The following PRUNE2 variants were observed in gnomAD, a reference collection of about 807,000 sequenced individuals.
The protein encoded by PRUNE2 is protein prune homolog 2.
In PRUNE2, 164 loss-of-function variants were observed where a neutral mutation model predicts 252.0. That is an observed-to-expected ratio of 0.65 (90% CI 0.57 to 0.74). The LOEUF is 0.74. PRUNE2 is among the 30% of genes least tolerant of loss of function. The probability of loss-of-function intolerance (pLI) is 0.00; values close to 1 mark genes in which losing one functional copy is unlikely to be tolerated. For synonymous variants in PRUNE2, 1,292 were observed against 1,350.2 expected (o/e 0.96, Z 0.94); for missense variants, 3,495 against 3,711.0 (o/e 0.94, Z 1.51).
chr9:76,674,655 T>C (rs1440783882), intron 9 of PRUNE2, among the ~76,000 whole-genome samples: 4 of 148,978 alleles, frequency 2.7e-5, no homozygotes, highest in Admixed American at 6.8e-5. Flanking sequence ...ACTACCTGAC[T>C]TCAAACTATA....
At position 76,703,144 on chromosome 9, in the gene PRUNE2, G is replaced by A. The variant is rs866835992; in HGVS notation, c.8276+193C>T. 2.0e-5 allele frequency among the ~76,000 whole-genome samples: 3 copies of A among 151,626 alleles called. No homozygotes were observed. The East Asian group carries it at 5.8e-4, about 29-fold the overall frequency. ...TGAAAATTGAAGGGGCTTTTTGGCT[G>A]AAAATGTACATAAATTATCATTATG... On this transcript the variant is annotated intron_variant, in intron 9 of 18. Coordinates refer to ENST00000376718, the MANE Select transcript of PRUNE2 (RefSeq NM_015225.3).
intron 6 of PRUNE2, among the ~76,000 whole-genome samples, chr9:76,768,393 A>G (rs943356760): frequency 6.6e-6 from 1 of 152,008 alleles, no homozygotes; most frequent in Admixed American, 6.6e-5. Flanking sequence ...GGGGTTCACC[A>G]TGTTGGCCAA....
At chr9:76,724,608 CACAG>C (rs903071255) in intron 6 of PRUNE2, among the ~76,000 whole-genome samples, 13 of 152,294 alleles carry the variant, frequency 8.5e-5, no homozygotes, top group Admixed American at 5.2e-4. Context: ...ACTGTTGTTA[CACAG>C]ACAGAGAGTT....
At chr9:76,865,396 G>A (rs2060778816) in intron 1 of PRUNE2, among the ~76,000 whole-genome samples, 1 of 152,138 alleles carries the variant, frequency 6.6e-6, no homozygotes, top group Admixed American at 6.5e-5. Flanking sequence ...GTAATACACA[G>A]TAGAATTCAG....
chr9:76,671,594 A>G (rs2041486649), intron 9 of PRUNE2, among the ~76,000 whole-genome samples: 1 of 152,198 alleles, frequency 6.6e-6, no homozygotes, highest in African/African-American at 2.4e-5. Context: ...TCCAAGACAC[A>G]TAATTGTCAG....
intron 6 of PRUNE2, chr9:76,738,908 C>T (rs2049316180): frequency 6.6e-6 from 1 of 152,184 alleles, no homozygotes; most frequent in Non-Finnish European, 1.5e-5. Flanking sequence ...GGGATGAAGT[C>T]AAAGGTAGCA....
rs200964646 is a variant in PRUNE2 at position 76,646,157 on chromosome 9, C to T, written c.8558-1248G>A. Among the ~76,000 whole-genome samples the T allele has an allele frequency of 8.5e-5, 13 of 152,218 alleles. No homozygotes were observed. The East Asian group carries it at 2.3e-3, about 27-fold the overall frequency. ...GAGTCCCCTGGGCTAAGAAACTGTG[C>T]CTTGAATAACCTTTAATATTCACTT... On this transcript the variant is annotated intron_variant, in intron 11 of 18. Coordinates refer to ENST00000376718, the MANE Select transcript of PRUNE2 (RefSeq NM_015225.3).
chr9:76,725,999 G>A (rs1163593522), intron 6 of PRUNE2, among the ~76,000 whole-genome samples: 1 of 152,190 alleles, frequency 6.6e-6, no homozygotes, highest in Non-Finnish European at 1.5e-5. Flanking sequence ...TGGGAGAAGG[G>A]CAGGGGTTGC....
chr9:76,857,001 G>A (rs144135937), intron 1 of PRUNE2: 49 of 451,136 alleles, frequency 1.1e-4, no homozygotes, highest in Middle Eastern at 3.3e-4. Flanking sequence ...TAATCCACCC[G>A]CCTTTGCCTC....
In PRUNE2 at chr9:76,850,669, C is replaced by A. The variant is rs375622237; in HGVS notation, c.142-4G>T. The A allele has an allele frequency of 8.7e-5, 140 of 1,606,940 alleles. No homozygotes were observed. The African/African-American group carries it at 1.6e-3, about 18-fold the overall frequency. On this transcript the variant is annotated splice_polypyrimidine_tract_variant and splice_region_variant and intron_variant, in intron 2 of 18. Coordinates refer to ENST00000376718, the MANE Select transcript of PRUNE2 (RefSeq NM_015225.3). ...ACAGAACCCCTGGTGGACTGACCTA[C>A]CAAGAAAAAAGTTGACTGAATTACT...
At chr9:76,634,818 A>C (rs1839281226) in intron 15 of PRUNE2, among the ~76,000 whole-genome samples, 1 of 152,244 alleles carries the variant, frequency 6.6e-6, no homozygotes, top group Non-Finnish European at 1.5e-5. Context: ...TATTAAGCAA[A>C]CATCGATGAA....
intron 9 of PRUNE2, among the ~76,000 whole-genome samples, chr9:76,701,128 G>T (rs112629000): frequency 0.012 from 1,869 of 152,308 alleles, 36 homozygotes; most frequent in African/African-American, 0.043. Flanking sequence ...CACCCCCAGA[G>T]TTCCTGATTC....
chr9:76,872,385 A>G (rs1004047496), intron 1 of PRUNE2, among the ~76,000 whole-genome samples: 3 of 152,134 alleles, frequency 2.0e-5, no homozygotes, highest in Non-Finnish European at 4.4e-5. Flanking sequence ...TTACTTACGC[A>G]TTACAAGTCA....
intron 1 of PRUNE2, among the ~76,000 whole-genome samples, chr9:76,896,849 C>A (rs1056216194): frequency 5.9e-5 from 9 of 152,192 alleles, no homozygotes; most frequent in African/African-American, 2.2e-4. Flanking sequence ...AACCAAATAA[C>A]CTTGGTGGCA....
At chr9:76,701,943 A>C (rs1206087533) in intron 9 of PRUNE2, among the ~76,000 whole-genome samples, 1 of 152,084 alleles carries the variant, frequency 6.6e-6, no homozygotes, top group South Asian at 2.1e-4. Context: ...TAATCCTAAA[A>C]TGTATAATCA....
At chr9:76,796,661 C>G (rs2056117251) in intron 6 of PRUNE2, among the ~76,000 whole-genome samples, 1 of 152,182 alleles carries the variant, frequency 6.6e-6, no homozygotes, top group Non-Finnish European at 1.5e-5. Context: ...ACTTGACTGC[C>G]ACATGGGATG....
chr9:76,788,570 G>A (rs1419208859), intron 6 of PRUNE2: 1 of 714,614 alleles, frequency 1.4e-6, no homozygotes, highest in African/African-American at 1.7e-5. Context: ...ATGACAGTGT[G>A]TGGCAAGTAT....
rs1588597908 is a variant in PRUNE2 at position 76,688,279 on chromosome 9, A to G, written c.8276+15058T>C. 3.3e-5 allele frequency among the ~76,000 whole-genome samples: 5 copies of G among 152,360 alleles called. No homozygotes were observed. In the South Asian group the frequency reaches 1.0e-3, roughly 32 times the overall value. On this transcript the variant is annotated intron_variant, in intron 9 of 18. Coordinates refer to ENST00000376718, the MANE Select transcript of PRUNE2 (RefSeq NM_015225.3). ...TTGGCAACAAAGAAAGTGTAGTCAT[A>G]GAGACCATTGTCCAACACCAGGACC...
At chr9:76,895,255 C>T (rs1460460374) in intron 1 of PRUNE2, among the ~76,000 whole-genome samples, 1 of 152,158 alleles carries the variant, frequency 6.6e-6, no homozygotes, top group Non-Finnish European at 1.5e-5. Flanking sequence ...CATTGCTGTG[C>T]CTCCTCTGGA....
Sources: gnomAD v4.1 joint callset for allele counts (sites outside exome capture counted in the v4.1 genomes callset) on GRCh38, gnomAD v4.1.1 for gene constraint, MANE v1.5 for transcripts, NCBI Gene and HGNC (gene_info 2026-07-23, HGNC 2026-07-21) for gene names.